RPAP3: variants seen among roughly 807,000 people sequenced by gnomAD.
RPAP3 encodes RNA polymerase II associated protein 3.
In RPAP3, 58 loss-of-function variants were observed where a neutral mutation model predicts 88.8. The observed-to-expected ratio is 0.65, with a 90% CI of 0.53 to 0.81. RPAP3 has a LOEUF of 0.81. RPAP3 is among the 40% of genes least tolerant of loss of function. RPAP3 has a pLI of 0.00. For synonymous variants in RPAP3, 255 were observed against 259.9 expected (o/e 0.98, Z 0.18); for missense variants, 751 against 764.3 (o/e 0.98, Z 0.20).
Position 47,698,511 on chromosome 12 carries a change from T to G in RPAP3, c.295-792A>C, listed in dbSNP as rs369876406. ...GATAAAACAATGATTTTTAGTAAGA[T>G]TTTATTTTTATTTTATTTTTGAGAC... On this transcript the variant is annotated intron_variant, in intron 3 of 16. Transcript: ENST00000005386. 4.6e-5 allele frequency among the ~76,000 whole-genome samples: 7 copies of G among 152,234 alleles called. No homozygotes were observed. In the South Asian group the frequency reaches 1.5e-3, roughly 32 times the overall value.
intron 7 of RPAP3, among the ~76,000 whole-genome samples, chr12:47,688,350 G>A (rs1939366091): frequency 2.0e-5 from 3 of 151,630 alleles, no homozygotes; most frequent in African/African-American, 7.3e-5. Context: ...TTGGGGTGGG[G>A]AGGGGAGGGG....
chr12:47,684,407 C>T (rs1208906268), intron 9 of RPAP3, among the ~76,000 whole-genome samples: 1 of 152,142 alleles, frequency 6.6e-6, no homozygotes, highest in Non-Finnish European at 1.5e-5. Flanking sequence ...GTTTATAGAA[C>T]CTCAAGCTAT....
rs537463383 is a variant in RPAP3, at chr12:47,671,528, A to G, written c.1288-1183T>C. 4.9e-4 allele frequency among the ~76,000 whole-genome samples: 74 copies of G among 152,328 alleles called. 4 individuals are homozygous for G. The highest frequency in any genetic ancestry group is 1.6e-3 in the African/African-American group (67 of 41,588). On this transcript the variant is annotated intron_variant, in intron 12 of 16. Transcript: ENST00000005386. Reference sequence around the variant, plus strand: ...TAAGATATGACCCCAATGGTAATAAATGAGTGTTACTAAACGAAGGTACAA... The same window carrying G: ...TAAGATATGACCCCAATGGTAATAAGTGAGTGTTACTAAACGAAGGTACAA...
chr12:47,672,052 G>A (rs1939010105), intron 12 of RPAP3, among the ~76,000 whole-genome samples: 1 of 151,598 alleles, frequency 6.6e-6, no homozygotes, highest in African/African-American at 2.4e-5. Context: ...GGACCAAACA[G>A]GTGAAGTTTT....
intron 10 of RPAP3, 78 bp downstream of exon 10, chr12:47,681,618 G>T: frequency 7.0e-7 from 1 of 1,434,934 alleles, no homozygotes; most frequent in South Asian, 1.3e-5. Flanking sequence ...TGAACCATGG[G>T]TAAGCTACAT....
rs565332923 is a variant in RPAP3, at chr12:47,670,941, G to T, written c.1288-596C>A. Among the ~76,000 whole-genome samples, 10 of 152,234 alleles carry T rather than the reference G, an allele frequency of 6.6e-5. No homozygotes were observed. In the East Asian group the frequency reaches 1.9e-3, roughly 29 times the overall value. On this transcript the variant is annotated intron_variant, in intron 12 of 16. Transcript: ENST00000005386. Reference sequence around the variant, plus strand: ...CAGACAATAACCAGCATTATGTATGGGATAGACTATCATTAAAACCTAAAC... The same window carrying T: ...CAGACAATAACCAGCATTATGTATGTGATAGACTATCATTAAAACCTAAAC...
At chr12:47,694,934 T>A (rs1939494747) in intron 5 of RPAP3, among the ~76,000 whole-genome samples, 1 of 152,198 alleles carries the variant, frequency 6.6e-6, no homozygotes, top group Non-Finnish European at 1.5e-5. Flanking sequence ...TGTAAACTCA[T>A]CCATTTACCT....
At chr12:47,669,745 A>G (rs998507617) in intron 13 of RPAP3, among the ~76,000 whole-genome samples, 2 of 152,180 alleles carry the variant, frequency 1.3e-5, no homozygotes, top group South Asian at 2.1e-4. Flanking sequence ...ATACTAATGG[A>G]TGAAATAATG....
intron 12 of RPAP3, among the ~76,000 whole-genome samples, chr12:47,678,863 T>G (rs1939167626): frequency 6.6e-6 from 1 of 152,154 alleles, no homozygotes; most frequent in Non-Finnish European, 1.5e-5. Flanking sequence ...GATCTAGAAC[T>G]AGAATTACCA....
At chr12:47,679,436 A>G (rs1939179535) in intron 12 of RPAP3, 57 bp downstream of exon 12, 4 of 1,158,034 alleles carry the variant, frequency 3.5e-6, no homozygotes, top group African/African-American at 1.6e-5. Context: ...TTGGTTTCCA[A>G]TTCTCCTATT....
In RPAP3 at chr12:47,662,324, AT is replaced by A. The variant is rs1938776975; in HGVS notation, c.*1180del. The A allele has an allele frequency of 6.6e-6, 1 of 152,252 alleles. No individual in the cohort carries two copies. The highest frequency in any genetic ancestry group is 1.5e-5 in the Non-Finnish European group (1 of 68,048). 9.4% of individuals were successfully genotyped at this position (152,252 alleles called of 1,614,324 possible). ...AAAGTTAATAAACTCTATCAAGTGT[AT>A]TTTAAAGCATTCAAACTATCCAAAT... On this transcript the variant is annotated 3_prime_UTR_variant, in exon 17 of 17. Coordinates refer to ENST00000005386, the MANE Select transcript of RPAP3 (RefSeq NM_024604.3).
At chr12:47,697,849 A>C (rs1939566785) in intron 3 of RPAP3, 130 bp from the exon 4 acceptor site, 1 of 796,166 alleles carries the variant, frequency 1.3e-6, no homozygotes, top group South Asian at 1.9e-5. Context: ...AGCCTTACAA[A>C]GCAACCCAAA....
intron 5 of RPAP3, 85 bp from the exon 6 acceptor site, chr12:47,690,724 TG>T (rs1037862715): frequency 8.3e-5 from 85 of 1,025,500 alleles, no homozygotes; most frequent in Non-Finnish European, 1.0e-4. Context: ...CTGAAATCCT[TG>T]AAAAGAGAAT....
chr12:47,672,214 C>T (rs1939013587), intron 12 of RPAP3, among the ~76,000 whole-genome samples: 1 of 152,216 alleles, frequency 6.6e-6, no homozygotes, highest in South Asian at 2.1e-4. Flanking sequence ...TGCTCTCCTA[C>T]CCTCTGTCTA....
intron 2 of RPAP3, among the ~76,000 whole-genome samples, 155 bp downstream of exon 2, chr12:47,702,533 A>G (rs1169861032): frequency 1.3e-5 from 2 of 152,218 alleles, no homozygotes; most frequent in Admixed American, 1.3e-4. Context: ...CAGCCTGGTG[A>G]CAGAGCAAGA....
intron 7 of RPAP3, among the ~76,000 whole-genome samples, chr12:47,688,318 C>A (rs1939365164): frequency 6.6e-6 from 1 of 150,502 alleles, no homozygotes. Flanking sequence ...ACACTATAGA[C>A]TACCTGTTGG....
rs766791863 is a variant in RPAP3, at chr12:47,696,399, T to C, written c.422A>G (p.Asn141Ser). The C allele has an allele frequency of 1.3e-6, 2 of 1,567,082 alleles. No individual in the cohort carries two copies. Among genetic ancestry groups the C allele is most frequent in the Non-Finnish European group, 1.7e-6 (2 of 1,156,002 alleles). Residue 141 changes from asparagine to serine, a missense_variant, in exon 5 of 17, where the codon AAT (asparagine) becomes AGT (serine). Asn to Ser is a conservative substitution (Grantham distance 46). Coordinates refer to ENST00000005386, the MANE Select transcript of RPAP3 (RefSeq NM_024604.3). The part of the protein sequence containing the change: ...QKALVLKEKG[N>S]KYFKQGKYDE... The stretch of plus-strand genomic sequence containing the variant: ...ATATTTTCCTTGTTTGAAGTATTTA[T>C]TGCCCTGAAAGAAAATTATATAAAA...
intron 12 of RPAP3, among the ~76,000 whole-genome samples, chr12:47,674,084 T>TTAAA (rs543539960): frequency 8.1e-6 from 1 of 123,318 alleles, no homozygotes; most frequent in Admixed American, 8.4e-5. Context: ...TTAAAGATTC[T>TTAAA]AAAAAAAAAA....
At chr12:47,704,417 G>A (rs917675164) in intron 1 of RPAP3, among the ~76,000 whole-genome samples, 2 of 152,038 alleles carry the variant, frequency 1.3e-5, no homozygotes, top group South Asian at 2.1e-4. Context: ...CGCCCAGGCT[G>A]GAGTGCAGTG....
Sources: gnomAD v4.1 joint callset for allele counts (sites outside exome capture counted in the v4.1 genomes callset) on GRCh38, gnomAD v4.1.1 for gene constraint, MANE v1.5 for transcripts, NCBI Gene and HGNC (gene_info 2026-07-23, HGNC 2026-07-21) for gene names.